Variants in PRKCA observed in about 807,000 individuals in gnomAD.
PRKCA encodes the protein protein kinase C alpha type.
In PRKCA, 27 loss-of-function variants were observed where a neutral mutation model predicts 87.0. The ratio of observed to expected loss-of-function variants is 0.31; its 90% CI spans 0.23 to 0.43. PRKCA has a LOEUF of 0.43. PRKCA is among the 20% of genes least tolerant of loss of function. The probability of loss-of-function intolerance (pLI) is 1.00; values close to 1 mark genes in which losing one functional copy is unlikely to be tolerated. For missense variants in PRKCA, 518 were observed against 852.3 expected, an observed-to-expected ratio of 0.61 and a Z score of 4.88; for synonymous variants, 329 against 311.1, an observed-to-expected ratio of 1.06 and a Z score of -0.61.
chr17:66,765,496 TTATATA>T (rs57374804), intron 13 of PRKCA, among the ~76,000 whole-genome samples: 8 of 136,124 alleles, frequency 5.9e-5, no homozygotes, highest in Non-Finnish European at 1.3e-4. Context: ...ATATTTGTCT[TTATATA>T]TATATGTCTT....
intron 13 of PRKCA, among the ~76,000 whole-genome samples, chr17:66,772,875 T>C (rs1974970981): frequency 6.6e-6 from 1 of 152,176 alleles, no homozygotes; most frequent in South Asian, 2.1e-4. Context: ...ACCTCATTTA[T>C]TGAAGTGTTT....
At chr17:66,775,033 G>A (rs1409830617) in intron 14 of PRKCA, 9 of 985,290 alleles carry the variant, frequency 9.1e-6, no homozygotes, top group Non-Finnish European at 9.6e-6. Flanking sequence ...TTCTAGGCCT[G>A]GCCCCTAAGA....
rs2143603268 is a variant in PRKCA, at chr17:66,384,115, T to A, written c.205+77988T>A. On this transcript the variant is annotated intron_variant, in intron 2 of 16. Coordinates refer to ENST00000413366, the MANE Select transcript of PRKCA (RefSeq NM_002737.3). Reference sequence around the variant, plus strand: ...ATATATGTAGAATATATATATATGCTTGACACACGGAATGCTCAGTGAAAA... The same window carrying A: ...ATATATGTAGAATATATATATATGCATGACACACGGAATGCTCAGTGAAAA... Among the ~76,000 whole-genome samples, 4 of 152,320 alleles carry A rather than the reference T, an allele frequency of 2.6e-5. 1 individual carries two copies. The highest frequency in any genetic ancestry group is 6.8e-3 in the Middle Eastern group (2 of 294).
At chr17:66,667,567 C>T (rs1426781058) in intron 5 of PRKCA, among the ~76,000 whole-genome samples, 2 of 152,176 alleles carry the variant, frequency 1.3e-5, no homozygotes, top group African/African-American at 4.8e-5. Flanking sequence ...TACCTCCCAC[C>T]AGGTCCCTCC....
At chr17:66,500,378 C>T (rs2144126792) in intron 3 of PRKCA, among the ~76,000 whole-genome samples, 1 of 152,314 alleles carries the variant, frequency 6.6e-6, no homozygotes, top group South Asian at 2.1e-4. Context: ...AACTGTGCTG[C>T]ACCAGGGAGA....
At chr17:66,322,277 G>A (rs1482273665) in intron 2 of PRKCA, among the ~76,000 whole-genome samples, 1 of 152,158 alleles carries the variant, frequency 6.6e-6, no homozygotes, top group Non-Finnish European at 1.5e-5. Context: ...GTAGAATTTT[G>A]TGTGATCATG....
At chr17:66,694,293 C>T (rs1972861529) in intron 8 of PRKCA, among the ~76,000 whole-genome samples, 1 of 151,804 alleles carries the variant, frequency 6.6e-6, no homozygotes. Context: ...CAAGCCTGGC[C>T]AAGATGGTGA....
At chr17:66,478,476 A>T (rs1915630414) in intron 2 of PRKCA, among the ~76,000 whole-genome samples, 1 of 150,978 alleles carries the variant, frequency 6.6e-6, no homozygotes, top group Non-Finnish European at 1.5e-5. Flanking sequence ...CTGGTCTTGA[A>T]CTCCTGACCT....
At chr17:66,552,561 C>T (rs1469678382) in intron 3 of PRKCA, among the ~76,000 whole-genome samples, 3 of 152,158 alleles carry the variant, frequency 2.0e-5, no homozygotes, top group Non-Finnish European at 2.9e-5. Context: ...ACCCTTAGTT[C>T]CTTATGGCTG....
intron 3 of PRKCA, among the ~76,000 whole-genome samples, chr17:66,566,128 C>A (rs1461478923): frequency 6.6e-6 from 1 of 152,096 alleles, no homozygotes; most frequent in Admixed American, 6.5e-5. Flanking sequence ...TCTTCCTGGA[C>A]CCTCTCTCAG....
intron 2 of PRKCA, among the ~76,000 whole-genome samples, chr17:66,491,487 T>G (rs1448565938): frequency 6.6e-6 from 1 of 152,218 alleles, no homozygotes; most frequent in Non-Finnish European, 1.5e-5. Context: ...TAAGTTGCCT[T>G]CCTTCTACCA....
intron 5 of PRKCA, among the ~76,000 whole-genome samples, chr17:66,652,979 A>G (rs1971631472): frequency 6.6e-6 from 1 of 152,244 alleles, no homozygotes; most frequent in African/African-American, 2.4e-5. Flanking sequence ...GGCTGGGCCC[A>G]GAAGCCTGGT....
rs141074503 is a variant in PRKCA at position 66,424,568 on chromosome 17, A to AACACACACACACACACACACACACACAC, written c.206-71629_206-71602dup. On this transcript the variant is annotated intron_variant, in intron 2 of 16. Transcript: ENST00000413366. ...GGCAGCAGAGCACGACCCTGTCTCAAACACACACACACACACACACACACA... is the reference window on the plus strand; with the variant it reads ...GGCAGCAGAGCACGACCCTGTCTCAAACACACACACACACACACACACACACACACACACACACACACACACACACACA... Among the ~76,000 whole-genome samples, 437 of 142,030 alleles carry AACACACACACACACACACACACACACAC rather than the reference A, an allele frequency of 3.1e-3. 4 individuals are homozygous for AACACACACACACACACACACACACACAC. The highest frequency in any genetic ancestry group is 5.4e-3 in the African/African-American group (203 of 37,574). The allele number at this position is 142,030 out of a possible 152,430, so 93.2% of individuals were successfully genotyped here. A position where few individuals can be genotyped will look rare whatever the true frequency, so the allele number is the denominator to read the frequency against.
intron 3 of PRKCA, among the ~76,000 whole-genome samples, chr17:66,611,720 G>A (rs1319026305): frequency 6.6e-6 from 1 of 152,204 alleles, no homozygotes; most frequent in Non-Finnish European, 1.5e-5. Flanking sequence ...AGGGTCACAT[G>A]TATTAAGCAT....
intron 2 of PRKCA, among the ~76,000 whole-genome samples, chr17:66,424,281 A>C (rs1250510347): frequency 6.6e-6 from 1 of 152,140 alleles, no homozygotes. Context: ...ATTTTAAAAA[A>C]TATTACTTGA....
intron 3 of PRKCA, chr17:66,554,529 C>T: frequency 1.0e-6 from 1 of 960,510 alleles, no homozygotes; most frequent in Non-Finnish European, 1.2e-6. Flanking sequence ...CTCTTCTCCC[C>T]TGTATTGCTA....
intron 13 of PRKCA, among the ~76,000 whole-genome samples, chr17:66,767,371 G>A (rs1457532467): frequency 6.6e-6 from 1 of 152,148 alleles, no homozygotes; most frequent in Non-Finnish European, 1.5e-5. Flanking sequence ...AGTGAAGACG[G>A]ACTGTAATAA....
chr17:66,759,897 C>CAGA (rs1462147241), intron 13 of PRKCA, among the ~76,000 whole-genome samples: 1 of 152,104 alleles, frequency 6.6e-6, no homozygotes, highest in Admixed American at 6.6e-5. Flanking sequence ...TTAATGTGTG[C>CAGA]GTCTGACAGC....
At chr17:66,744,910 T>C (rs117285597) in intron 13 of PRKCA, among the ~76,000 whole-genome samples, 5,021 of 152,140 alleles carry the variant, frequency 0.033, 96 homozygotes, top group African/African-American at 0.05. Flanking sequence ...TCTTCTTCCC[T>C]CCCCCATGCA....
Sources: allele counts gnomAD v4.1 joint callset (sites outside exome capture counted in the v4.1 genomes callset), GRCh38; gene constraint gnomAD v4.1.1; transcripts MANE v1.5; gene names NCBI Gene and HGNC (gene_info 2026-07-23, HGNC 2026-07-21).